Variants in ZNF385D observed in about 807,000 individuals in gnomAD.
ZNF385D encodes zinc finger protein 659.
Under a neutral mutation model 35.8 loss-of-function variants are expected in ZNF385D, and 15 were observed. The observed-to-expected ratio is 0.42, with a 90% CI of 0.28 to 0.64. ZNF385D has a LOEUF of 0.64. Among genes scored for constraint, ZNF385D ranks in the 30% least tolerant of loss-of-function variants. ZNF385D has a pLI of 0.23. For missense variants in ZNF385D, 474 were observed against 494.6 expected (o/e 0.96, Z 0.39); for synonymous variants, 212 against 186.8 (o/e 1.13, Z -1.10).
At chr3:21,998,692 T>C (rs938823770) in intron 3 of ZNF385D, among the ~76,000 whole-genome samples, 1 of 152,244 alleles carries the variant, frequency 6.6e-6, no homozygotes, top group Non-Finnish European at 1.5e-5. Context: ...GAACATCACC[T>C]TTTAAAAATA....
intron 3 of ZNF385D, among the ~76,000 whole-genome samples, chr3:21,798,260 G>A (rs1015549809): frequency 4.6e-5 from 7 of 152,106 alleles, no homozygotes; most frequent in Non-Finnish European, 8.8e-5. Context: ...CTGGTTCTTC[G>A]GCGCATGGCC....
chr3:22,048,840 C>T (rs769383696), intron 3 of ZNF385D, among the ~76,000 whole-genome samples: 10 of 152,050 alleles, frequency 6.6e-5, no homozygotes, highest in Non-Finnish European at 1.0e-4. Flanking sequence ...TTGGATAGTA[C>T]GGACAATAAT....
chr3:21,525,391 A>G (rs1364749858), intron 3 of ZNF385D, among the ~76,000 whole-genome samples: 1 of 152,104 alleles, frequency 6.6e-6, no homozygotes, highest in Admixed American at 6.5e-5. Flanking sequence ...CTAAGTAAGA[A>G]TTATTAAAAT....
At chr3:21,917,870 T>C (rs1368419767) in intron 3 of ZNF385D, among the ~76,000 whole-genome samples, 6 of 152,198 alleles carry the variant, frequency 3.9e-5, no homozygotes. Flanking sequence ...TTTAACACTC[T>C]AGTCAGTCAT....
At chr3:22,243,920 C>T (rs776049691) in intron 2 of ZNF385D, among the ~76,000 whole-genome samples, 1 of 150,562 alleles carries the variant, frequency 6.6e-6, no homozygotes, top group Non-Finnish European at 1.5e-5. Context: ...GGAAAGAGCA[C>T]CTTTGAAATT....
intron 3 of ZNF385D, among the ~76,000 whole-genome samples, chr3:22,153,508 G>A (rs941740216): frequency 2.1e-5 from 3 of 144,918 alleles, no homozygotes; most frequent in African/African-American, 7.7e-5. Flanking sequence ...CTGTCACCCA[G>A]GCTGGAGTGC....
At chr3:21,442,991 TTTGGCC>T (rs1267481945) in intron 4 of ZNF385D, among the ~76,000 whole-genome samples, 4 of 151,724 alleles carry the variant, frequency 2.6e-5, no homozygotes, top group African/African-American at 9.7e-5. Context: ...ACAGTACACA[TTTGGCC>T]ACCCCAAATC....
At chr3:22,200,429 G>A (rs577828112) in intron 2 of ZNF385D, among the ~76,000 whole-genome samples, 2 of 152,076 alleles carry the variant, frequency 1.3e-5, no homozygotes, top group South Asian at 4.1e-4. Context: ...AAAAGGGGAG[G>A]GAGTATACAA....
chr3:21,801,929 T>C (rs981451860), intron 3 of ZNF385D, among the ~76,000 whole-genome samples: 2 of 152,172 alleles, frequency 1.3e-5, no homozygotes, highest in Admixed American at 1.3e-4. Flanking sequence ...TTTTTCCCGT[T>C]TCTAATGAAG....
At chr3:21,959,654 T>A (rs1285217157) in intron 3 of ZNF385D, among the ~76,000 whole-genome samples, 1 of 152,162 alleles carries the variant, frequency 6.6e-6, no homozygotes, top group Non-Finnish European at 1.5e-5. Context: ...CCATGGAAGA[T>A]GGGGCTAGCC....
chr3:22,197,341 G>A (rs1696487078), intron 2 of ZNF385D, among the ~76,000 whole-genome samples: 1 of 151,978 alleles, frequency 6.6e-6, no homozygotes, highest in African/African-American at 2.4e-5. Context: ...GATGAACCAT[G>A]TATCTCTAAT....
intron 3 of ZNF385D, among the ~76,000 whole-genome samples, chr3:22,106,880 A>C (rs901689072): frequency 2.0e-5 from 3 of 152,092 alleles, no homozygotes; most frequent in Non-Finnish European, 2.9e-5. Context: ...CTCATTCTTC[A>C]TAAGAGTGGT....
chr3:22,305,324 A>T (rs1703144328), intron 2 of ZNF385D, among the ~76,000 whole-genome samples: 1 of 152,062 alleles, frequency 6.6e-6, no homozygotes, highest in Non-Finnish European at 1.5e-5. Context: ...GTTTTTTAAA[A>T]AATTCTTTAT....
At chr3:21,818,436 G>A (rs942236279) in intron 3 of ZNF385D, among the ~76,000 whole-genome samples, 5 of 152,026 alleles carry the variant, frequency 3.3e-5, no homozygotes, top group Non-Finnish European at 7.4e-5. Flanking sequence ...AGACAGTGTG[G>A]GGAAATCTGA....
chr3:22,248,855 G>A lies in ZNF385D; in HGVS notation c.107-79820C>T, dbSNP rs187126893. On this transcript the variant is annotated intron_variant, in intron 2 of 5. Coordinates refer to the ZNF385D transcript ENST00000494108. ...ATCAGAAGTGATGCTCTACTCTTCA[G>A]ATGAGGTAATATAAATTCATGAAGC... is the stretch of plus-strand genomic sequence containing the variant. Among the ~76,000 whole-genome samples the A allele has an allele frequency of 2.7e-3, 406 of 152,228 alleles. 2 individuals are homozygous for A. The highest frequency in any genetic ancestry group is 9.4e-3 in the African/African-American group (392 of 41,530).
chr3:21,512,831 A>T (rs1707309999), intron 3 of ZNF385D, among the ~76,000 whole-genome samples: 1 of 152,184 alleles, frequency 6.6e-6, no homozygotes, highest in Non-Finnish European at 1.5e-5. Context: ...TCCTTCGGCC[A>T]TAACATTTGA....
chr3:22,359,347 AAAG>A (rs1490926596), intron 2 of ZNF385D, among the ~76,000 whole-genome samples: 6 of 151,892 alleles, frequency 4.0e-5, no homozygotes, highest in Admixed American at 1.3e-4. Context: ...GTGTCTCATA[AAAG>A]AAGAACAGAT....
At chr3:21,594,328 G>A (rs967888691) in intron 2 of ZNF385D, among the ~76,000 whole-genome samples, 12 of 152,120 alleles carry the variant, frequency 7.9e-5, no homozygotes, top group African/African-American at 2.9e-4. Context: ...CCTGTCTTAG[G>A]TCTGACTCCC....
intron 2 of ZNF385D, among the ~76,000 whole-genome samples, chr3:21,610,940 A>G (rs991510315): frequency 6.6e-6 from 1 of 152,166 alleles, no homozygotes; most frequent in Non-Finnish European, 1.5e-5. Context: ...CTTCGCATTC[A>G]GTTTCCCGTG....
Sources: gnomAD v4.1 joint callset for allele counts (sites outside exome capture counted in the v4.1 genomes callset) on GRCh38, gnomAD v4.1.1 for gene constraint, MANE v1.5 for transcripts, NCBI Gene and HGNC (gene_info 2026-07-23, HGNC 2026-07-21) for gene names.